The following FGD6 variants were observed in gnomAD, a reference collection of about 807,000 sequenced individuals.
The protein encoded by FGD6 is FYVE, RhoGEF and PH domain-containing protein 6.
A neutral mutation model predicts 149.4 loss-of-function variants in FGD6; 90 were observed. That is an observed-to-expected ratio of 0.60 (90% CI 0.51 to 0.72). The LOEUF (loss-of-function observed/expected upper bound fraction) is 0.72. Ranked by LOEUF, FGD6 falls within the 30% of genes least tolerant of loss-of-function variation. The probability of loss-of-function intolerance (pLI) is 0.00; values close to 1 mark genes in which losing one functional copy is unlikely to be tolerated. For synonymous variants in FGD6, 527 were observed against 584.0 expected, an observed-to-expected ratio of 0.90 and a Z score of 1.41; for missense variants, 1,437 against 1,684.8, an observed-to-expected ratio of 0.85 and a Z score of 2.57.
At chr12:95,124,524 T>A (rs991072481) in intron 8 of FGD6, among the ~76,000 whole-genome samples, 13 of 152,194 alleles carry the variant, frequency 8.5e-5, no homozygotes, top group African/African-American at 3.1e-4. Flanking sequence ...ACTAAAACTG[T>A]GAGAGCAACT....
At chr12:95,143,497 C>A (rs939696450) in intron 5 of FGD6, among the ~76,000 whole-genome samples, 4 of 152,140 alleles carry the variant, frequency 2.6e-5, no homozygotes, top group Non-Finnish European at 1.5e-5. Context: ...AAGGAGCCAA[C>A]TACTCACACC....
chr12:95,211,328 T>C (rs147569334), intron 1 of FGD6, 61 bp from the exon 2 acceptor site: 1 of 1,500,936 alleles, frequency 6.7e-7, no homozygotes, highest in Non-Finnish European at 8.8e-7. Flanking sequence ...TGATACATGA[T>C]TAAATCTGAT....
chr12:95,194,113 T>C (rs1046393221), intron 2 of FGD6, among the ~76,000 whole-genome samples: 2 of 151,852 alleles, frequency 1.3e-5, no homozygotes, highest in South Asian at 4.2e-4. Context: ...TTTGTAGAGA[T>C]GGAGTCTCGC....
intron 8 of FGD6, among the ~76,000 whole-genome samples, chr12:95,125,042 T>A (rs963896594): frequency 6.6e-6 from 1 of 152,294 alleles, no homozygotes; most frequent in East Asian, 1.9e-4. Context: ...AATTTTTTTT[T>A]AATAACTGTA....
chr12:95,127,360 A>G (rs1338740006), intron 8 of FGD6, among the ~76,000 whole-genome samples: 1 of 152,100 alleles, frequency 6.6e-6, no homozygotes, highest in Non-Finnish European at 1.5e-5. Context: ...CCTGGCCAAT[A>G]TGGTGAAACC....
At chr12:95,112,843 G>C (rs1049786351) in intron 9 of FGD6, among the ~76,000 whole-genome samples, 1 of 152,184 alleles carries the variant, frequency 6.6e-6, no homozygotes, top group African/African-American at 2.4e-5. Context: ...GCTGAGGGAA[G>C]GCTAATATCC....
chr12:95,116,687 C>T (rs1244551535), intron 8 of FGD6, among the ~76,000 whole-genome samples: 1 of 152,166 alleles, frequency 6.6e-6, no homozygotes, highest in Non-Finnish European at 1.5e-5. Context: ...GTTAGGTTTA[C>T]CCTCCTTGCC....
chr12:95,190,668 T>C (rs1188164114), intron 2 of FGD6, among the ~76,000 whole-genome samples: 6 of 152,176 alleles, frequency 3.9e-5, no homozygotes, highest in Non-Finnish European at 7.3e-5. Context: ...AAAAAATATA[T>C]GTTGAAATCC....
intron 3 of FGD6, among the ~76,000 whole-genome samples, chr12:95,159,145 C>A (rs1462965831): frequency 6.6e-6 from 1 of 152,094 alleles, no homozygotes; most frequent in Non-Finnish European, 1.5e-5. Context: ...TGGCACCTAC[C>A]CTTTGTTTCC....
chr12:95,131,260 C>A (rs1452293840), intron 8 of FGD6, among the ~76,000 whole-genome samples: 1 of 151,934 alleles, frequency 6.6e-6, no homozygotes, highest in Non-Finnish European at 1.5e-5. Context: ...GGGCATGTGC[C>A]ACCATGCCTG....
At chr12:95,159,701 G>A (rs957498533) in intron 3 of FGD6, among the ~76,000 whole-genome samples, 2 of 152,162 alleles carry the variant, frequency 1.3e-5, no homozygotes, top group African/African-American at 4.8e-5. Context: ...GGGCATGGTG[G>A]TGCACACATG....
intron 2 of FGD6, among the ~76,000 whole-genome samples, chr12:95,180,227 G>A (rs893333306): frequency 2.6e-5 from 4 of 152,096 alleles, no homozygotes; most frequent in Admixed American, 6.6e-5. Flanking sequence ...ACAAAACCAT[G>A]TAAAAAGTGT....
intron 18 of FGD6, among the ~76,000 whole-genome samples, chr12:95,087,649 T>C (rs1433632503): frequency 6.6e-6 from 1 of 152,184 alleles, no homozygotes; most frequent in Non-Finnish European, 1.5e-5. Context: ...CTGGAGATAA[T>C]AAATGTATGT....
chr12:95,202,441 T>C (rs907706046), intron 2 of FGD6, among the ~76,000 whole-genome samples: 3 of 105,406 alleles, frequency 2.8e-5, no homozygotes, highest in Non-Finnish European at 6.3e-5. Context: ...ATCATTTATC[T>C]GCTTTGGCAG....
chr12:95,210,392 G>A lies in FGD6; in HGVS notation c.892C>T (p.Leu298Phe). 1 of 1,613,722 alleles carries A rather than the reference G, an allele frequency of 6.2e-7. No homozygotes were observed. The highest frequency in any genetic ancestry group is 8.5e-7 in the Non-Finnish European group (1 of 1,179,958). ...ACTAAATGAATTTCTAAGGGACCAA[G>A]GTCTTTGACTTCTGATTTCTTACTA... ...GVSKKSEVKD[L>F]GPLEIHLVPY... Residue 298 changes from leucine to phenylalanine, a missense_variant, in exon 2 of 21, where the codon CTT becomes TTT. Physicochemically the swap from Leu to Phe is conservative, Grantham distance 22. Around this residue, in one of 2 missense-constraint regions of FGD6, gnomAD observed 1,055 missense variants for 1,146.0 expected, o/e 0.92. Transcript: ENST00000343958.
chr12:95,183,041 G>A (rs190730818), intron 2 of FGD6, among the ~76,000 whole-genome samples: 12 of 152,352 alleles, frequency 7.9e-5, no homozygotes, highest in African/African-American at 2.9e-4. Context: ...CTATGCTCTT[G>A]ATTGTGAGTC....
intron 6 of FGD6, among the ~76,000 whole-genome samples, chr12:95,140,149 A>G (rs1406339031): frequency 2.6e-5 from 4 of 152,084 alleles, no homozygotes; most frequent in African/African-American, 4.8e-5. Flanking sequence ...AGGTGATACT[A>G]TTTTCTTATT....
At chr12:95,157,823 G>A (rs960304389) in intron 3 of FGD6, among the ~76,000 whole-genome samples, 5 of 152,028 alleles carry the variant, frequency 3.3e-5, no homozygotes, top group Non-Finnish European at 5.9e-5. Flanking sequence ...AGACTACCAG[G>A]TTGGATATGT....
chr12:95,204,870 ACT>A lies in FGD6; in HGVS notation c.2441+3971_2441+3972del, dbSNP rs368427264. Among the ~76,000 whole-genome samples, 128 of 152,266 alleles carry A rather than the reference ACT, an allele frequency of 8.4e-4. 1 individual carries two copies. The East Asian group carries it at 0.023, about 28-fold the overall frequency. On this transcript the variant is annotated intron_variant, in intron 2 of 20. Transcript: ENST00000343958. ...TCAAAGCTGTTTCTTTGGGAAATAC[ACT>A]CTGAGTTCCAAATTACCATGAACTT...
Sources: allele counts gnomAD v4.1 joint callset (sites outside exome capture counted in the v4.1 genomes callset), GRCh38; gene constraint gnomAD v4.1.1; regional missense constraint gnomAD v4.1.1; transcripts MANE v1.5; gene names NCBI Gene and HGNC (gene_info 2026-07-23, HGNC 2026-07-21).